The following SLC1A4 variants were observed in gnomAD, a reference collection of about 807,000 sequenced individuals.
SLC1A4 encodes the protein solute carrier family 1 member 4, also known as neutral amino acid transporter A.
Under a neutral mutation model 37.7 loss-of-function variants are expected in SLC1A4, and 19 were observed. That is an observed-to-expected ratio of 0.50 (90% CI 0.35 to 0.74). SLC1A4 has a LOEUF of 0.74. Ranked by LOEUF, SLC1A4 falls within the 30% of genes least tolerant of loss-of-function variation. The pLI is 0.01. For missense variants in SLC1A4, 570 were observed against 712.9 expected (o/e 0.80, Z 2.28); for synonymous variants, 299 against 309.8 (o/e 0.97, Z 0.37).
chr2:64,989,715 T>C lies in SLC1A4; in HGVS notation c.72T>C (p.Ala24=), dbSNP rs965949717. 9.3e-6 allele frequency: 14 copies of C among 1,502,612 alleles called. No homozygotes were observed. The African/African-American group carries it at 1.9e-4, about 20-fold the overall frequency. The allele number at this position is 1,502,612 out of a possible 1,614,324, so 93.1% of individuals were successfully genotyped here. Reference sequence around the variant, plus strand: ...CGGGGCCTGCGGCCGGGCCCGGAGCTCCGGGGACCGCGGCGGGACGCGCAC... The same window carrying C: ...CGGGGCCTGCGGCCGGGCCCGGAGCCCCGGGGACCGCGGCGGGACGCGCAC... ...AQAGPAAGPG[A]PGTAAGRARR... is the part of the protein sequence containing the mutation. The change falls in exon 1 of 8, where the codon GCT becomes GCC. Residue 24 remains alanine (A), a synonymous_variant. Transcript: ENST00000234256.
rs1280210752 is a variant in SLC1A4, at chr2:65,018,746, T to C, written c.1364+67T>C. On this transcript the variant is annotated intron_variant, in intron 7 of 7. Transcript: ENST00000234256. This position sits in a 1 kb window ranked among gnomAD's most constrained non-coding sequence, Gnocchi z 4.3. ...GAGTTCCCTAGGAGCTTAGCACTGCTGGGCCTGGGCCATGCAGAGAAACTT... is the reference window on the plus strand; with the variant it reads ...GAGTTCCCTAGGAGCTTAGCACTGCCGGGCCTGGGCCATGCAGAGAAACTT... The C allele has an allele frequency of 6.4e-7, 1 of 1,562,086 alleles. No individual in the cohort carries two copies. The highest frequency in any genetic ancestry group is 2.2e-5 in the East Asian group (1 of 44,550).
At position 65,010,978 on chromosome 2, in the gene SLC1A4, C is replaced by T. The variant is rs549056577; in HGVS notation, c.800+215C>T. On this transcript the variant is annotated intron_variant, in intron 4 of 7. Transcript: ENST00000234256. ...CTCAGAGAGCCAGGCATGCACCACA[C>T]TTACCAGTCACTTCCTCAGTGTCCA... is the stretch of plus-strand genomic sequence containing the variant. Among the ~76,000 whole-genome samples the T allele has an allele frequency of 2.1e-3, 323 of 152,344 alleles. 1 individual carries two copies. Among genetic ancestry groups the T allele is most frequent in the African/African-American group, 5.5e-3 (228 of 41,572 alleles).
intron 1 of SLC1A4, chr2:64,994,615 G>C (rs1396271724): frequency 6.6e-6 from 1 of 152,056 alleles, no homozygotes; most frequent in African/African-American, 2.4e-5. Context: ...AGGGAGGTGT[G>C]CTGGACGTAC....
Position 64,989,750 on chromosome 2 carries a change from C to A in SLC1A4, c.107C>A (p.Ala36Glu). The A allele has an allele frequency of 8.3e-6, 12 of 1,449,502 alleles. No individual in the cohort carries two copies. The highest frequency in any genetic ancestry group is 1.1e-5 in the Non-Finnish European group (12 of 1,108,032). The allele number at this position is 1,449,502 out of a possible 1,614,324, so 89.8% of individuals were successfully genotyped here. A position where few individuals can be genotyped will look rare whatever the true frequency, so the allele number is the denominator to read the frequency against. ...GTAAGRARRC[A>E]GFLRRQALVL... ...GCGGCGGGACGCGCACGGCGTTGCGCGGGCTTCCTGCGGCGCCAAGCGCTG... is the reference window on the plus strand; with the variant it reads ...GCGGCGGGACGCGCACGGCGTTGCGAGGGCTTCCTGCGGCGCCAAGCGCTG... The change falls in exon 1 of 8, where the codon GCG (alanine) becomes GAG (glutamate). Residue 36 changes from alanine (A) to glutamate (E), a missense_variant. By Grantham distance (107) the Ala-to-Glu change is moderately radical. Transcript: ENST00000234256.
chr2:65,004,360 C>T (rs541165789), intron 3 of SLC1A4, among the ~76,000 whole-genome samples: 29 of 152,326 alleles, frequency 1.9e-4, no homozygotes, highest in African/African-American at 6.7e-4. Context: ...AGTGATTCTC[C>T]TGCCTCAGTC....
rs112975272 is a variant in SLC1A4 at position 65,015,260 on chromosome 2, C to T, written c.801-1180C>T. Among the ~76,000 whole-genome samples, 677 of 152,146 alleles carry T rather than the reference C, an allele frequency of 4.4e-3. 7 individuals are homozygous for T. Among genetic ancestry groups the T allele is most frequent in the African/African-American group, 0.016 (649 of 41,486 alleles). Reference sequence around the variant, plus strand: ...GATTTGGATAGTGATGATAGTTGCACAAGAATGTGAATGAACTTCATGCCA... The same window carrying T: ...GATTTGGATAGTGATGATAGTTGCATAAGAATGTGAATGAACTTCATGCCA... On this transcript the variant is annotated intron_variant, in intron 4 of 7. Coordinates refer to ENST00000234256, the MANE Select transcript of SLC1A4 (RefSeq NM_003038.5).
At chr2:65,006,907 A>G (rs1673699198) in intron 3 of SLC1A4, among the ~76,000 whole-genome samples, 1 of 152,168 alleles carries the variant, frequency 6.6e-6, no homozygotes, top group Non-Finnish European at 1.5e-5. Context: ...ACAGAGGGAG[A>G]CTTTGTCTCT....
chr2:65,020,849 GCCTGTGACAGGA>G (rs1209965937), intron 7 of SLC1A4, 51 bp from the exon 8 acceptor site: 99 of 1,369,092 alleles, frequency 7.2e-5, no homozygotes, highest in Middle Eastern at 3.6e-4. Flanking sequence ...CATCCAGGCT[GCCTGTGACAGGA>G]CCCGATCGCC....
chr2:64,996,682 C>A (rs543660237), intron 1 of SLC1A4, among the ~76,000 whole-genome samples: 5 of 152,362 alleles, frequency 3.3e-5, no homozygotes, highest in African/African-American at 1.2e-4. Flanking sequence ...TATAGTCCAA[C>A]ATGGCAGCAC....
At chr2:65,001,256 G>C (rs1673446689) in intron 1 of SLC1A4, 192 bp from the exon 2 acceptor site, 3 of 580,974 alleles carry the variant, frequency 5.2e-6, no homozygotes, top group Non-Finnish European at 9.2e-6. Flanking sequence ...TACTGATGAA[G>C]ACAGGTACCA....
Position 65,023,603 on chromosome 2 carries a change from G to A in SLC1A4, c.*2457G>A, listed in dbSNP as rs1304941132. ...GAAGGGTGCTTCCGAGAGTGTGCAG[G>A]TGGCCCTTCCCCTTGGAGGCGAGAA... On this transcript the variant is annotated 3_prime_UTR_variant, in exon 8 of 8. Transcript: ENST00000234256. 6.6e-6 allele frequency: 1 copy of A among 152,656 alleles called. No homozygotes were observed. The highest frequency in any genetic ancestry group is 1.5e-5 in the Non-Finnish European group (1 of 68,090). The allele number at this position is 152,656 out of a possible 1,614,324, so 9.5% of individuals were successfully genotyped here.
intron 5 of SLC1A4, 146 bp from the exon 6 acceptor site, chr2:65,017,925 T>C: frequency 1.6e-6 from 1 of 643,814 alleles, no homozygotes; most frequent in Admixed American, 3.0e-5. Context: ...AGTTTTAAAG[T>C]GATTCTGTTT....
In SLC1A4 at chr2:65,008,022, CTT is replaced by C. The variant is rs137935226; in HGVS notation, c.634-2573_634-2572del. Among the ~76,000 whole-genome samples, 1,181 of 152,318 alleles carry C rather than the reference CTT, an allele frequency of 7.8e-3. 7 individuals carry two copies. Among genetic ancestry groups the C allele is most frequent in the Middle Eastern group, 0.017 (5 of 294 alleles). On this transcript the variant is annotated intron_variant, in intron 3 of 7. Coordinates refer to ENST00000234256, the MANE Select transcript of SLC1A4 (RefSeq NM_003038.5). ...GGCCTCTCGTAACCACCAATCTACT[CTT>C]TGTCTTCATGAGATCCACTTTTTTA...
chr2:65,009,636 T>G (rs1032186068), intron 3 of SLC1A4, among the ~76,000 whole-genome samples: 2 of 152,230 alleles, frequency 1.3e-5, no homozygotes, highest in Admixed American at 6.5e-5. Context: ...GCGCTCAAGC[T>G]GCAAGGGCTA....
At chr2:64,996,391 G>A (rs1304975635) in intron 1 of SLC1A4, among the ~76,000 whole-genome samples, 3 of 152,162 alleles carry the variant, frequency 2.0e-5, no homozygotes, top group Non-Finnish European at 4.4e-5. Context: ...GATCTCTCAG[G>A]ATCAAACAAC....
At chr2:65,010,181 C>A (rs187161879) in intron 3 of SLC1A4, among the ~76,000 whole-genome samples, 79 of 152,356 alleles carry the variant, frequency 5.2e-4, no homozygotes, top group African/African-American at 1.8e-3. Flanking sequence ...ATCCACTCGC[C>A]TTGGCCTCCC....
At chr2:64,988,526 C>G (rs185432079), upstream of SLC1A4, 1 of 152,494 alleles carries the variant, frequency 6.6e-6, no homozygotes, top group Admixed American at 6.5e-5. Flanking sequence ...ATCCTGATGG[C>G]CCCAGGACAC....
chr2:65,003,911 C>T, intron 2 of SLC1A4, 42 bp from the exon 3 acceptor site: 1 of 1,553,854 alleles, frequency 6.4e-7, no homozygotes, highest in Admixed American at 1.7e-5. Context: ...TCGGTCTTCA[C>T]CTGTGCACTA....
intron 1 of SLC1A4, chr2:64,994,785 T>C (rs1169675179): frequency 2.0e-5 from 3 of 151,698 alleles, no homozygotes; most frequent in African/African-American, 4.8e-5. Flanking sequence ...ACTGGAACAA[T>C]AGAGGAGACG....
Sources: gnomAD v4.1 joint callset for allele counts (sites outside exome capture counted in the v4.1 genomes callset) on GRCh38, gnomAD v4.1.1 for gene constraint, Gnocchi (gnomAD v3.1) non-coding constraint, MANE v1.5 for transcripts, NCBI Gene and HGNC (gene_info 2026-07-23, HGNC 2026-07-21) for gene names.